DNER: variants seen among roughly 807,000 people sequenced by gnomAD.
The protein encoded by DNER is delta/notch like EGF repeat containing, also known as delta and Notch-like epidermal growth factor-related receptor.
DNER carries 33 observed loss-of-function variants against 78.2 expected under a neutral mutation model. The observed-to-expected ratio is 0.42, with a 90% CI of 0.32 to 0.56. The LOEUF (loss-of-function observed/expected upper bound fraction) is 0.56, where lower values mean the gene tolerates loss of function less well. Ranked by LOEUF, DNER falls within the 20% of genes least tolerant of loss-of-function variation. The probability of loss-of-function intolerance (pLI) is 0.11; values close to 1 mark genes in which losing one functional copy is unlikely to be tolerated. For missense variants in DNER, 918 were observed against 975.3 expected, an observed-to-expected ratio of 0.94 and a Z score of 0.78; for synonymous variants, 417 against 384.8, an observed-to-expected ratio of 1.08 and a Z score of -0.98.
In DNER at chr2:229,669,986, C is replaced by T. The variant is rs546358074; in HGVS notation, c.276+44162G>A. On this transcript the variant is annotated intron_variant, in intron 1 of 12. Coordinates refer to ENST00000341772, the MANE Select transcript of DNER (RefSeq NM_139072.4). ...AATCCCTGTGCAAGCTGCAGAGAGT[C>T]GCATCAGCATCCTGCCTTCAGATCA... 5.2e-4 allele frequency among the ~76,000 whole-genome samples: 79 copies of T among 152,280 alleles called. 1 individual carries two copies. In the South Asian group the frequency reaches 8.9e-3, roughly 17 times the overall value.
chr2:229,429,348 T>A (rs369829324), intron 8 of DNER, among the ~76,000 whole-genome samples: 81 of 152,186 alleles, frequency 5.3e-4, no homozygotes, highest in African/African-American at 2.0e-3. Flanking sequence ...TGCCAGTGTG[T>A]CACATCTTCC....
At chr2:229,682,607 G>A (rs989095327) in intron 1 of DNER, among the ~76,000 whole-genome samples, 1 of 152,190 alleles carries the variant, frequency 6.6e-6, no homozygotes, top group East Asian at 1.9e-4. Context: ...CAGCACTTTG[G>A]GAGGTCGAGG....
At chr2:229,576,558 A>G (rs1190473566) in intron 4 of DNER, among the ~76,000 whole-genome samples, 2 of 152,196 alleles carry the variant, frequency 1.3e-5, no homozygotes, top group Admixed American at 6.5e-5. Context: ...TGTGGTCATC[A>G]TGGTTGCAAG....
intron 1 of DNER, among the ~76,000 whole-genome samples, chr2:229,702,722 C>T (rs1462263010): frequency 2.0e-5 from 3 of 151,548 alleles, no homozygotes; most frequent in Non-Finnish European, 4.4e-5. Flanking sequence ...TCGAGACCAC[C>T]CTGGCTAACA....
At chr2:229,543,163 AAAG>A (rs905778815) in intron 5 of DNER, among the ~76,000 whole-genome samples, 10 of 149,186 alleles carry the variant, frequency 6.7e-5, no homozygotes, top group African/African-American at 1.0e-4. Context: ...ATTAAAAAAA[AAAG>A]AAGAAGAAGA....
Position 229,629,493 on chromosome 2 carries a change from T to C in DNER, c.277-37605A>G, listed in dbSNP as rs1447627849. Among the ~76,000 whole-genome samples the C allele has an allele frequency of 2.0e-5, 3 of 152,176 alleles. No individual in the cohort carries two copies. In the East Asian group the frequency reaches 5.8e-4, roughly 29 times the overall value. The stretch of plus-strand genomic sequence containing the variant: ...GAGCTTTCTGAATTGTTGCCCCCAT[T>C]TGAATCAGCCAAGTTAGCAACTCCA... On this transcript the variant is annotated intron_variant, in intron 1 of 12. Transcript: ENST00000341772.
chr2:229,485,765 T>G (rs1695256237), intron 6 of DNER, among the ~76,000 whole-genome samples: 1 of 152,150 alleles, frequency 6.6e-6, no homozygotes, highest in Non-Finnish European at 1.5e-5. Context: ...TCTCCTTCCC[T>G]GCACAGTTGT....
At chr2:229,492,024 G>A (rs943765127) in intron 6 of DNER, among the ~76,000 whole-genome samples, 44 of 150,888 alleles carry the variant, frequency 2.9e-4, no homozygotes, top group African/African-American at 9.5e-4. Context: ...ACATACACAC[G>A]CATACACTGT....
chr2:229,375,903 G>A, intron 11 of DNER, among the ~76,000 whole-genome samples: 1 of 152,126 alleles, frequency 6.6e-6, no homozygotes, highest in East Asian at 1.9e-4. Flanking sequence ...GGAGAGACAG[G>A]TGGAAGTAAC....
At chr2:229,502,296 C>A (rs765523720) in intron 6 of DNER, among the ~76,000 whole-genome samples, 1 of 152,158 alleles carries the variant, frequency 6.6e-6, no homozygotes, top group Non-Finnish European at 1.5e-5. Flanking sequence ...CGGGTGCTCC[C>A]TTGAGGAGGC....
chr2:229,639,517 G>C (rs1268525698), intron 1 of DNER, among the ~76,000 whole-genome samples: 1 of 152,068 alleles, frequency 6.6e-6, no homozygotes, highest in African/African-American at 2.4e-5. Context: ...GCCTCCCAAA[G>C]TGCTGGGATT....
chr2:229,690,482 C>T (rs1448385695), intron 1 of DNER, among the ~76,000 whole-genome samples: 4 of 152,174 alleles, frequency 2.6e-5, no homozygotes, highest in African/African-American at 9.7e-5. Context: ...TTGCTATGCC[C>T]AATGCCAGGA....
Position 229,537,431 on chromosome 2 carries a change from C to T in DNER, c.993+9516G>A, listed in dbSNP as rs114071921. Among the ~76,000 whole-genome samples the T allele has an allele frequency of 3.2e-3, 484 of 152,292 alleles. 7 individuals carry two copies. The highest frequency in any genetic ancestry group is 0.011 in the African/African-American group (459 of 41,566). ...GAACCCCAGAGAAAAGTCCAGAAATCTCACTTCATTCTTGTCCTACCTTTA... is the reference window on the plus strand; with the variant it reads ...GAACCCCAGAGAAAAGTCCAGAAATTTCACTTCATTCTTGTCCTACCTTTA... On this transcript the variant is annotated intron_variant, in intron 5 of 12. Transcript: ENST00000341772.
intron 1 of DNER, among the ~76,000 whole-genome samples, chr2:229,672,795 C>T (rs892577700): frequency 6.6e-6 from 1 of 152,110 alleles, no homozygotes; most frequent in African/African-American, 2.4e-5. Context: ...AGTCTGCCTG[C>T]CCATGTTTAA....
At chr2:229,426,768 T>C (rs957290975) in intron 8 of DNER, among the ~76,000 whole-genome samples, 5 of 152,202 alleles carry the variant, frequency 3.3e-5, no homozygotes, top group Admixed American at 3.3e-4. Flanking sequence ...TCCTATTAAG[T>C]GTTCAGATGC....
intron 7 of DNER, among the ~76,000 whole-genome samples, chr2:229,475,311 C>T (rs1011318181): frequency 2.6e-5 from 4 of 152,194 alleles, no homozygotes; most frequent in Non-Finnish European, 5.9e-5. Flanking sequence ...CCTTGCGGGG[C>T]TCACCCAGCC....
chr2:229,493,662 C>T (rs931990559), intron 6 of DNER, among the ~76,000 whole-genome samples: 1 of 151,392 alleles, frequency 6.6e-6, no homozygotes, highest in South Asian at 2.1e-4. Context: ...ATTCTATTCA[C>T]CCATTCATTC....
chr2:229,713,434 C>T (rs991313643), intron 1 of DNER, among the ~76,000 whole-genome samples: 1 of 152,250 alleles, frequency 6.6e-6, no homozygotes, highest in Non-Finnish European at 1.5e-5. Flanking sequence ...GCTCACGCCC[C>T]GGCTGCCAGC....
At chr2:229,484,470 G>T (rs985490457) in intron 6 of DNER, among the ~76,000 whole-genome samples, 3 of 152,160 alleles carry the variant, frequency 2.0e-5, no homozygotes, top group Non-Finnish European at 2.9e-5. Context: ...TCTCCAGCTA[G>T]CATTCAGCAC....
Sources: gnomAD v4.1 joint callset for allele counts (sites outside exome capture counted in the v4.1 genomes callset) on GRCh38, gnomAD v4.1.1 for gene constraint, MANE v1.5 for transcripts, NCBI Gene and HGNC (gene_info 2026-07-23, HGNC 2026-07-21) for gene names.